Variants in LZTS2 observed in about 807,000 individuals in gnomAD.
LZTS2 encodes the protein leucine zipper putative tumor suppressor 2.
A neutral mutation model predicts 60.6 loss-of-function variants in LZTS2; 32 were observed. The ratio of observed to expected loss-of-function variants is 0.53; its 90% confidence interval spans 0.40 to 0.71. The LOEUF (loss-of-function observed/expected upper bound fraction) is 0.71, where lower values mean the gene tolerates loss of function less well. Among genes scored for constraint, LZTS2 ranks in the 30% least tolerant of loss-of-function variants. The probability of loss-of-function intolerance (pLI) is 0.00; values close to 1 mark genes in which losing one functional copy is unlikely to be tolerated. For synonymous variants in LZTS2, 360 were observed against 393.1 expected (o/e 0.92, Z 1.00); for missense variants, 792 against 901.9 (o/e 0.88, Z 1.56).
At chr10:100,997,432 AC>A (rs1851939159), upstream of LZTS2, among the ~76,000 whole-genome samples, 1 of 152,094 alleles carries the variant, frequency 6.6e-6, no homozygotes, top group East Asian at 1.9e-4. Context: ...GCGTGCACAG[AC>A]CCACGCCCGC....
At chr10:101,002,837 C>G (rs776915118) in exon 1 of LZTS2, 14 of 1,613,742 alleles carry the variant, frequency 8.7e-6, no homozygotes, top group Non-Finnish European at 1.2e-5. Context: ...ACAGAGTCAC[C>G]CCCCAGCCCA....
At chr10:100,999,848 A>AGGGCCGGGGCCG (rs928744344) in exon 1 of LZTS2, 4 of 147,608 alleles carry the variant, frequency 2.7e-5, no homozygotes, top group Non-Finnish European at 1.5e-5. Context: ...CGCGCGGGCC[A>AGGGCCGGGGCCG]GGGCCGGGGC....
chr10:100,997,300 C>T (rs967821387), upstream of LZTS2: 7 of 152,320 alleles, frequency 4.6e-5, no homozygotes, highest in African/African-American at 1.7e-4. Context: ...CCTGAACGAA[C>T]TTTCCGCTTC....
upstream of LZTS2, chr10:100,999,098 C>T (rs950439289): frequency 1.3e-5 from 2 of 152,290 alleles, no homozygotes; most frequent in Admixed American, 6.5e-5. Flanking sequence ...AGGGGCCGCT[C>T]CTCTCCGATA....
At chr10:101,005,392 A>G (rs1285877220) in intron 2 of LZTS2, 66 bp from the exon 4 acceptor site, 2 of 1,487,906 alleles carry the variant, frequency 1.3e-6, no homozygotes, top group Admixed American at 2.3e-5. Context: ...GTGGGCTGCC[A>G]GAGCAGACAC....
At chr10:101,001,512 G>C (rs1389845911) in exon 1 of LZTS2, 1 of 152,218 alleles carries the variant, frequency 6.6e-6, no homozygotes, top group African/African-American at 2.4e-5. Context: ...TCTTGGCCCC[G>C]CTCTGCATGA....
chr10:101,005,903 C>G (rs1462922507), intron 3 of LZTS2, among the ~76,000 whole-genome samples, 188 bp downstream of exon 4: 1 of 152,218 alleles, frequency 6.6e-6, no homozygotes, highest in Non-Finnish European at 1.5e-5. Flanking sequence ...TCTAGTGGCA[C>G]GTAGCCACGC....
At chr10:100,997,766 G>A (rs752970402), upstream of LZTS2, among the ~76,000 whole-genome samples, 3 of 152,234 alleles carry the variant, frequency 2.0e-5, no homozygotes, top group African/African-American at 7.2e-5. Flanking sequence ...CCTAGTCCGG[G>A]GCGCGTTTGC....
intron 3 of LZTS2, 68 bp downstream of exon 4, chr10:101,005,783 C>T (rs893032135): frequency 1.4e-6 from 2 of 1,437,352 alleles, no homozygotes; most frequent in Admixed American, 5.4e-5. Context: ...AGGGGCCCAG[C>T]CCCACCCTCC....
chr10:101,007,775 C>A, exon 4 of LZTS2: 2 of 493,992 alleles, frequency 4.0e-6, no homozygotes, highest in Non-Finnish European at 5.3e-6. Flanking sequence ...ATTTTTCACA[C>A]TGTAAATTTC....
exon 1 of LZTS2, chr10:101,002,910 A>G: frequency 6.2e-7 from 1 of 1,612,946 alleles, no homozygotes. Context: ...GCGGCCCACC[A>G]CCAAAGCTCA....
At chr10:101,000,562 C>T (rs1025976904) in exon 1 of LZTS2, 4 of 152,368 alleles carry the variant, frequency 2.6e-5, no homozygotes, top group African/African-American at 9.6e-5. Flanking sequence ...GCCTGACCCT[C>T]GGGCCTCTCC....
At chr10:101,005,762 A>C in intron 3 of LZTS2, 47 bp downstream of exon 4, 1 of 1,463,070 alleles carries the variant, frequency 6.8e-7, no homozygotes, top group Non-Finnish European at 9.1e-7. Flanking sequence ...ACAGGGAGAA[A>C]CCCTGGAAAA....
chr10:100,998,934 T>G (rs1367473623), upstream of LZTS2: 1 of 152,356 alleles, frequency 6.6e-6, no homozygotes, highest in African/African-American at 2.4e-5. Flanking sequence ...CGGCTGCATG[T>G]GGGAAAGGTC....
exon 1 of LZTS2, chr10:101,002,902 G>T (rs772047450): frequency 1.2e-6 from 2 of 1,613,194 alleles, no homozygotes; most frequent in Non-Finnish European, 1.7e-6. Context: ...CCACCTCCGC[G>T]GCCCACCACC....
At chr10:100,996,869 G>A (rs939000629), upstream of LZTS2, among the ~76,000 whole-genome samples, 17 of 152,196 alleles carry the variant, frequency 1.1e-4, no homozygotes, top group Admixed American at 1.0e-3. Context: ...CCGAATTCTC[G>A]GTCACGTGAT....
At chr10:101,003,273 T>C in intron 1 of LZTS2, 1 of 528,548 alleles carries the variant, frequency 1.9e-6, no homozygotes, top group Non-Finnish European at 3.2e-6. Flanking sequence ...TTAACCTTGC[T>C]GAGCCTCCAT....
exon 1 of LZTS2, chr10:101,002,906 C>T: frequency 1.2e-6 from 2 of 1,613,194 alleles, no homozygotes; most frequent in Non-Finnish European, 1.7e-6. Context: ...CTCCGCGGCC[C>T]ACCACCAAAG....
intron 1 of LZTS2, 135 bp downstream of exon 2, chr10:101,003,081 T>C (rs1852082209): frequency 8.8e-7 from 1 of 1,139,992 alleles, no homozygotes; most frequent in South Asian, 1.7e-5. Context: ...CCCAGCTCTC[T>C]CTCATTCTGG....
Sources: allele counts gnomAD v4.1 joint callset (sites outside exome capture counted in the v4.1 genomes callset), GRCh38; gene constraint gnomAD v4.1.1; transcripts MANE v1.5; gene names NCBI Gene and HGNC (gene_info 2026-07-23, HGNC 2026-07-21).